The following SAMD12 variants were observed in gnomAD, a reference collection of about 807,000 sequenced individuals.
The protein encoded by SAMD12 is sterile alpha motif domain containing 12.
Under a neutral mutation model 15.0 loss-of-function variants are expected in SAMD12, and 9 were observed. The ratio of observed to expected loss-of-function variants is 0.60; its 90% confidence interval spans 0.36 to 1.05. The LOEUF is 1.05. Ranked by LOEUF, SAMD12 falls within the 50% of genes least tolerant of loss-of-function variation. SAMD12 has a pLI of 0.01. For missense variants in SAMD12, 230 were observed against 234.2 expected (o/e 0.98, Z 0.12); for synonymous variants, 86 against 90.1 (o/e 0.96, Z 0.25).
intron 4 of SAMD12, among the ~76,000 whole-genome samples, chr8:118,271,538 T>C (rs1209855628): frequency 6.6e-6 from 1 of 152,156 alleles, no homozygotes; most frequent in East Asian, 1.9e-4. Flanking sequence ...TCTTAACTCA[T>C]TTCAGCATTA....
chr8:118,592,847 T>G (rs1167884142), intron 1 of SAMD12, among the ~76,000 whole-genome samples: 2 of 152,136 alleles, frequency 1.3e-5, no homozygotes, highest in African/African-American at 4.8e-5. Flanking sequence ...AAAATTCTCT[T>G]GAAGGTTCTG....
rs1817510827 is a variant in SAMD12, at chr8:118,344,142, T to C, written c.433+35418A>G. Among the ~76,000 whole-genome samples, 3 of 152,166 alleles carry C rather than the reference T, an allele frequency of 2.0e-5. No individual in the cohort carries two copies. In the South Asian group the frequency reaches 6.2e-4, roughly 31 times the overall value. On this transcript the variant is annotated intron_variant, in intron 4 of 4. Transcript: ENST00000409003. ...CCATGCCCTTGTGCAGAGGAAGCCCTGTAGGTCTTTACATTCATTGTTGAC... is the reference window on the plus strand; with the variant it reads ...CCATGCCCTTGTGCAGAGGAAGCCCCGTAGGTCTTTACATTCATTGTTGAC...
chr8:118,215,879 C>G lies in SAMD12; in HGVS notation c.434-18147G>C, dbSNP rs368228780. ...CAGTCTATCATTGTTGGACATTTGG[C>G]TTGGTTCCAAGTCTTTGCTATTGTG... is the stretch of plus-strand genomic sequence containing the variant. On this transcript the variant is annotated intron_variant, in intron 4 of 4. Transcript: ENST00000409003. 6.3e-4 allele frequency among the ~76,000 whole-genome samples: 95 copies of G among 151,918 alleles called. 1 individual carries two copies. The highest frequency in any genetic ancestry group is 3.4e-3 in the Middle Eastern group (1 of 292).
At chr8:118,460,434 G>C (rs1042078029) in intron 2 of SAMD12, among the ~76,000 whole-genome samples, 1 of 152,150 alleles carries the variant, frequency 6.6e-6, no homozygotes, top group Non-Finnish European at 1.5e-5. Context: ...GGAGGAGAGA[G>C]AAACATAATT....
chr8:118,140,754 G>T, the SAMD12 span, among the ~76,000 whole-genome samples: 1 of 152,050 alleles, frequency 6.6e-6, no homozygotes, highest in East Asian at 1.9e-4. Context: ...ATTAATTCTG[G>T]CCAATTAGTG....
chr8:118,186,999 C>T (rs1000255195), downstream of SAMD12, among the ~76,000 whole-genome samples: 2 of 152,176 alleles, frequency 1.3e-5, no homozygotes, highest in South Asian at 4.1e-4. Flanking sequence ...GCAATGCTTT[C>T]GTATGCATTC....
chr8:118,538,229 G>A (rs79820595), intron 2 of SAMD12, among the ~76,000 whole-genome samples: 2,986 of 151,990 alleles, frequency 0.02, 100 homozygotes, highest in African/African-American at 0.066. Context: ...ATTGGGGAGG[G>A]GTGGTGCAAG....
chr8:118,356,463 C>G (rs1818230134), intron 4 of SAMD12, among the ~76,000 whole-genome samples: 1 of 152,092 alleles, frequency 6.6e-6, no homozygotes, highest in Admixed American at 6.6e-5. Context: ...AGAAGAGACC[C>G]ATGATATATA....
intron 4 of SAMD12, among the ~76,000 whole-genome samples, chr8:118,256,779 TACACACACACACACACACACAC>T (rs3052764): frequency 7.2e-6 from 1 of 139,776 alleles, no homozygotes; most frequent in South Asian, 2.4e-4. Context: ...CTGCATAAGA[TACACACACACACACACACACAC>T]ACACACACAC....
intron 4 of SAMD12, among the ~76,000 whole-genome samples, chr8:118,344,523 GGA>G (rs1817534724): frequency 3.3e-5 from 5 of 152,158 alleles, no homozygotes; most frequent in African/African-American, 1.2e-4. Flanking sequence ...TGCAGAAGTG[GGA>G]TATGAACTGG....
chr8:118,151,614 G>C, the SAMD12 span, among the ~76,000 whole-genome samples: 2 of 151,990 alleles, frequency 1.3e-5, no homozygotes, highest in Admixed American at 1.3e-4. Context: ...GGATCACAAG[G>C]TCAGGAGATC....
At chr8:118,309,833 T>A (rs1389462391) in intron 4 of SAMD12, among the ~76,000 whole-genome samples, 1 of 152,212 alleles carries the variant, frequency 6.6e-6, no homozygotes, top group African/African-American at 2.4e-5. Flanking sequence ...TTGCCACAAT[T>A]TATGCTCATG....
intron 4 of SAMD12, among the ~76,000 whole-genome samples, chr8:118,294,468 C>T (rs979484709): frequency 2.0e-5 from 3 of 152,180 alleles, no homozygotes; most frequent in Admixed American, 6.5e-5. Flanking sequence ...GAGTGCTTCA[C>T]GTGCCCTGAA....
In SAMD12 at chr8:118,594,307, T is replaced by C. The variant is rs558669743; in HGVS notation, c.14-13414A>G. On this transcript the variant is annotated intron_variant, in intron 1 of 3. Coordinates refer to ENST00000314727, the MANE Select transcript of SAMD12 (RefSeq NM_207506.3). ...TGTGAAGGTCTGTTCTTGATTATTCTACTGTCTTGTCTGCATTTTTTGGTG... is the reference window on the plus strand; with the variant it reads ...TGTGAAGGTCTGTTCTTGATTATTCCACTGTCTTGTCTGCATTTTTTGGTG... 2.0e-5 allele frequency among the ~76,000 whole-genome samples: 3 copies of C among 152,308 alleles called. No homozygotes were observed. In the East Asian group the frequency reaches 5.8e-4, roughly 29 times the overall value.
chr8:118,418,186 T>C (rs1490896982), intron 3 of SAMD12, among the ~76,000 whole-genome samples: 1 of 152,218 alleles, frequency 6.6e-6, no homozygotes, highest in Non-Finnish European at 1.5e-5. Context: ...TTTTAAACTA[T>C]GAAGTTTCAA....
chr8:118,486,256 A>G (rs1324549541), intron 2 of SAMD12, among the ~76,000 whole-genome samples: 1 of 151,186 alleles, frequency 6.6e-6, no homozygotes, highest in Non-Finnish European at 1.5e-5. Flanking sequence ...CTACTAAAAA[A>G]TACAAAAAAA....
intron 4 of SAMD12, among the ~76,000 whole-genome samples, chr8:118,320,531 C>T (rs370396204): frequency 2.0e-5 from 3 of 151,736 alleles, no homozygotes; most frequent in East Asian, 1.9e-4. Context: ...AAAATCAACT[C>T]GTTATATTGA....
chr8:118,192,469 AATTT>A (rs1586327827), exon 5 of SAMD12: 1 of 152,322 alleles, frequency 6.6e-6, no homozygotes, highest in East Asian at 1.9e-4. Flanking sequence ...GTGATGGATT[AATTT>A]AATAGCCTCC....
intron 1 of SAMD12, among the ~76,000 whole-genome samples, chr8:118,616,183 T>C (rs1235071353): frequency 6.6e-6 from 1 of 152,228 alleles, no homozygotes; most frequent in Non-Finnish European, 1.5e-5. Flanking sequence ...CAGGGATAAG[T>C]ACCTATGAGG....
Sources: gnomAD v4.1 joint callset for allele counts (sites outside exome capture counted in the v4.1 genomes callset) on GRCh38, gnomAD v4.1.1 for gene constraint, MANE v1.5 for transcripts, NCBI Gene and HGNC (gene_info 2026-07-23, HGNC 2026-07-21) for gene names.